EFCAB11: variants seen among roughly 807,000 people sequenced by gnomAD.
EFCAB11 encodes EF-hand calcium-binding domain-containing protein 11.
In EFCAB11, 14 loss-of-function variants were observed where a neutral mutation model predicts 23.0. The observed-to-expected ratio is 0.61, with a 90% CI of 0.40 to 0.95. The LOEUF is 0.95. EFCAB11 is among the 40% of genes least tolerant of loss of function. The pLI is 0.00. For synonymous variants in EFCAB11, 65 were observed against 66.6 expected (o/e 0.98, Z 0.11); for missense variants, 198 against 195.8 (o/e 1.01, Z -0.07).
intron 5 of EFCAB11, among the ~76,000 whole-genome samples, chr14:89,925,403 ATTAGTG>A (rs1890157706): frequency 6.6e-6 from 1 of 152,230 alleles, no homozygotes; most frequent in African/African-American, 2.4e-5. Flanking sequence ...AGTCAGTTTT[ATTAGTG>A]TTAAAGAGGA....
In EFCAB11 at chr14:89,803,745, C is replaced by T. The variant is rs79742992; in HGVS notation, c.411-6421G>A. Among the ~76,000 whole-genome samples the T allele has an allele frequency of 9.6e-3, 1,462 of 152,272 alleles. 18 individuals are homozygous for T. Among genetic ancestry groups the T allele is most frequent in the Non-Finnish European group, 0.012 (785 of 68,024 alleles). On this transcript the variant is annotated intron_variant, in intron 5 of 5. Coordinates refer to ENST00000316738, the MANE Select transcript of EFCAB11 (RefSeq NM_145231.4). ...AGCCCCTGCTGGGGATGAGAAGACCCGCCAATTGAAGATGTAATGATGACA... is the reference window on the plus strand; with the variant it reads ...AGCCCCTGCTGGGGATGAGAAGACCTGCCAATTGAAGATGTAATGATGACA...
intron 5 of EFCAB11, among the ~76,000 whole-genome samples, chr14:89,841,451 G>A (rs780717324): frequency 4.5e-4 from 58 of 128,088 alleles, no homozygotes; most frequent in African/African-American, 1.4e-3. Context: ...CTTCCCCGCC[G>A]CACCCCCAGT....
intron 5 of EFCAB11, chr14:89,931,155 G>A (rs1890375986): frequency 5.9e-6 from 1 of 169,384 alleles, no homozygotes; most frequent in South Asian, 1.8e-4. Context: ...AGAACCACAT[G>A]TAACCTGTGT....
At chr14:89,840,574 A>G (rs1370621442) in intron 5 of EFCAB11, among the ~76,000 whole-genome samples, 1 of 152,264 alleles carries the variant, frequency 6.6e-6, no homozygotes, top group Non-Finnish European at 1.5e-5. Flanking sequence ...AATGTTAATT[A>G]TGTAAGACAA....
intron 5 of EFCAB11, among the ~76,000 whole-genome samples, chr14:89,828,158 TG>T (rs1397775160): frequency 6.6e-6 from 1 of 152,202 alleles, no homozygotes; most frequent in African/African-American, 2.4e-5. Flanking sequence ...CTGAGATGCA[TG>T]TTTGTGATCT....
At chr14:89,922,491 C>T (rs1890051273) in intron 5 of EFCAB11, among the ~76,000 whole-genome samples, 1 of 152,182 alleles carries the variant, frequency 6.6e-6, no homozygotes, top group African/African-American at 2.4e-5. Context: ...GAGAGGTTCA[C>T]TGATTTGTGG....
At chr14:89,866,597 T>G (rs1282368118) in intron 5 of EFCAB11, among the ~76,000 whole-genome samples, 1 of 152,196 alleles carries the variant, frequency 6.6e-6, no homozygotes, top group Non-Finnish European at 1.5e-5. Context: ...AATGCTCTCC[T>G]AAGCCCTGGG....
rs377084437 is a variant in EFCAB11, at chr14:89,872,359, A to G, written c.410+59182T>C. Among the ~76,000 whole-genome samples, 141 of 152,338 alleles carry G rather than the reference A, an allele frequency of 9.3e-4. No homozygotes were observed. In the South Asian group the frequency reaches 0.014, roughly 15 times the overall value. On this transcript the variant is annotated intron_variant, in intron 5 of 5. Transcript: ENST00000316738. ...CACAGAGGTGCAGGTCTAAGCCTTTAGGGAAGCTGAAATACTTCCGCATGG... is the reference window on the plus strand; with the variant it reads ...CACAGAGGTGCAGGTCTAAGCCTTTGGGGAAGCTGAAATACTTCCGCATGG...
intron 5 of EFCAB11, among the ~76,000 whole-genome samples, chr14:89,919,490 T>A (rs575338063): frequency 6.6e-6 from 1 of 152,134 alleles, no homozygotes; most frequent in Non-Finnish European, 1.5e-5. Context: ...AGGTGTGGCA[T>A]GTGGAGGACA....
chr14:89,908,490 C>A (rs570170845), intron 5 of EFCAB11, among the ~76,000 whole-genome samples: 81 of 152,268 alleles, frequency 5.3e-4, no homozygotes, highest in Non-Finnish European at 1.0e-3. Flanking sequence ...ATGCACAAAA[C>A]TATGAAAAAT....
At chr14:89,875,715 A>G (rs1471852767) in intron 5 of EFCAB11, among the ~76,000 whole-genome samples, 1 of 152,184 alleles carries the variant, frequency 6.6e-6, no homozygotes, top group East Asian at 1.9e-4. Context: ...ATACCCAGAG[A>G]AAGACGTTCA....
chr14:89,887,355 A>G (rs1423101541), intron 5 of EFCAB11, among the ~76,000 whole-genome samples: 1 of 152,226 alleles, frequency 6.6e-6, no homozygotes, highest in Non-Finnish European at 1.5e-5. Flanking sequence ...GTAGCAAACA[A>G]CTAGATACAC....
chr14:89,885,171 C>T (rs145001486), intron 5 of EFCAB11, among the ~76,000 whole-genome samples: 4 of 152,188 alleles, frequency 2.6e-5, no homozygotes, highest in African/African-American at 9.6e-5. Context: ...ATTTAAAAAT[C>T]TATATAACTA....
At chr14:89,834,595 G>A (rs1310944398) in intron 5 of EFCAB11, among the ~76,000 whole-genome samples, 1 of 152,096 alleles carries the variant, frequency 6.6e-6, no homozygotes, top group East Asian at 1.9e-4. Context: ...AAAGCTGTTC[G>A]GGAAAGTAGG....
At chr14:89,833,552 G>A (rs1035943355) in intron 5 of EFCAB11, among the ~76,000 whole-genome samples, 3 of 152,080 alleles carry the variant, frequency 2.0e-5, no homozygotes, top group Non-Finnish European at 2.9e-5. Context: ...AATAGTTCTC[G>A]CTGAATTCTT....
At chr14:89,819,955 C>T (rs1257596895) in intron 5 of EFCAB11, among the ~76,000 whole-genome samples, 2 of 152,060 alleles carry the variant, frequency 1.3e-5, no homozygotes, top group Non-Finnish European at 2.9e-5. Context: ...TAGGAAATCC[C>T]AATCCAACAA....
chr14:89,953,948 A>G lies in EFCAB11; in HGVS notation c.129T>C (p.Phe43=). The G allele has an allele frequency of 6.2e-7, 1 of 1,613,884 alleles. No homozygotes were observed. The highest frequency in any genetic ancestry group is 2.2e-5 in the East Asian group (1 of 44,878). The change falls in exon 2 of 6, where the codon TTT becomes TTC. Residue 43 remains phenylalanine, a synonymous_variant. Coordinates refer to ENST00000316738, the MANE Select transcript of EFCAB11 (RefSeq NM_145231.4). ...CAAACAGCATTACAACAGCAGTTTT[A>G]AAGTCCTCTCTGCTGAGATATCCTT... The part of the protein sequence containing the change: ...DHKGYLSRED[F]KTAVVMLFGY...
At chr14:89,920,962 G>A (rs1025274731) in intron 5 of EFCAB11, among the ~76,000 whole-genome samples, 1 of 151,908 alleles carries the variant, frequency 6.6e-6, no homozygotes, top group Non-Finnish European at 1.5e-5. Flanking sequence ...CTACTTGGGA[G>A]GCTGAGGCAG....
At chr14:89,886,210 C>T (rs886097815) in intron 5 of EFCAB11, among the ~76,000 whole-genome samples, 2 of 152,258 alleles carry the variant, frequency 1.3e-5, no homozygotes, top group East Asian at 3.9e-4. Flanking sequence ...ATGAGGCCCT[C>T]TCACCTTATA....
Sources: gnomAD v4.1 joint callset for allele counts (sites outside exome capture counted in the v4.1 genomes callset) on GRCh38, gnomAD v4.1.1 for gene constraint, MANE v1.5 for transcripts, NCBI Gene and HGNC (gene_info 2026-07-23, HGNC 2026-07-21) for gene names.